The following PLCH1 variants were observed in gnomAD, a reference collection of about 807,000 sequenced individuals.
PLCH1 encodes the protein 1-phosphatidylinositol 4,5-bisphosphate phosphodiesterase eta-1.
In PLCH1, 60 loss-of-function variants were observed where a neutral mutation model predicts 126.7. The observed-to-expected ratio is 0.47, with a 90% CI of 0.38 to 0.59. The LOEUF (loss-of-function observed/expected upper bound fraction) is 0.59. PLCH1 is among the 20% of genes least tolerant of loss of function. The pLI, the probability that PLCH1 is intolerant of heterozygous loss-of-function variation, is 0.00. For synonymous variants in PLCH1, 719 were observed against 734.9 expected (o/e 0.98, Z 0.35); for missense variants, 1,723 against 2,040.0 (o/e 0.84, Z 2.99).
intron 2 of PLCH1, among the ~76,000 whole-genome samples, chr3:155,646,924 AC>A (rs1416061165): frequency 6.6e-6 from 1 of 152,240 alleles, no homozygotes; most frequent in African/African-American, 2.4e-5. Flanking sequence ...AAATATATTC[AC>A]AAATTCTTGG....
rs1716436192 is a variant in PLCH1, at chr3:155,492,810, G to C, written c.2226C>G (p.Pro742=). The C allele has an allele frequency of 6.2e-7, 1 of 1,604,598 alleles. No individual in the cohort carries two copies. Among genetic ancestry groups the C allele is most frequent in the African/African-American group, 1.3e-5 (1 of 74,514 alleles). The change falls in exon 18 of 23, where the codon CCC becomes CCG. Residue 742 remains proline (P), a synonymous_variant. Coordinates refer to ENST00000460012, the MANE Select transcript of PLCH1 (RefSeq NM_014996.4). ...TAACTTTCAGGATGAGCTGCTTTTT[G>C]GGGTTGGCAGGAAGAGGGTCACCAG... The part of the protein sequence containing the change: ...PFSGDPLPAN[P]KKQLILKVIS...
At chr3:155,643,819 A>T (rs1739690236) in intron 2 of PLCH1, among the ~76,000 whole-genome samples, 1 of 152,190 alleles carries the variant, frequency 6.6e-6, no homozygotes, top group African/African-American at 2.4e-5. Flanking sequence ...TAAACAAATA[A>T]ACGTATGATT....
At chr3:155,682,103 T>C (rs138698942) in intron 2 of PLCH1, among the ~76,000 whole-genome samples, 3 of 152,350 alleles carry the variant, frequency 2.0e-5, no homozygotes, top group Admixed American at 6.5e-5. Context: ...GGTTAGACTT[T>C]AGCCTCTGAG....
In PLCH1 at chr3:155,566,134, T is replaced by TATATACAC. The variant is rs1244178200; in HGVS notation, c.866-1017_866-1016insGTGTATAT. On this transcript the variant is annotated intron_variant, in intron 7 of 22. Coordinates refer to ENST00000460012, the MANE Select transcript of PLCH1 (RefSeq NM_014996.4). ...ATACATATATATATGTATATATACA[T>TATATACAC]ATATATGTATATATACATATATACA... Among the ~76,000 whole-genome samples, 153 of 137,578 alleles carry TATATACAC rather than the reference T, an allele frequency of 1.1e-3. 1 individual carries two copies. Among genetic ancestry groups the TATATACAC allele is most frequent in the Middle Eastern group, 3.7e-3 (1 of 272 alleles). 90.3% of individuals were successfully genotyped at this position (137,578 alleles called of 152,430 possible).
chr3:155,662,220 AG>A (rs1236601380), intron 2 of PLCH1, among the ~76,000 whole-genome samples: 1 of 152,234 alleles, frequency 6.6e-6, no homozygotes, highest in Non-Finnish European at 1.5e-5. Flanking sequence ...TGGGAGGCCA[AG>A]GTGGGAGAAT....
chr3:155,506,397 A>G (rs892022607), intron 12 of PLCH1, among the ~76,000 whole-genome samples: 4 of 137,864 alleles, frequency 2.9e-5, no homozygotes, highest in Non-Finnish European at 6.1e-5. Context: ...ACATGTGCAC[A>G]TTGTGCAGGT....
downstream of PLCH1, among the ~76,000 whole-genome samples, chr3:155,474,896 G>T (rs536372944): frequency 8.0e-6 from 1 of 124,654 alleles, no homozygotes; most frequent in African/African-American, 3.2e-5. Context: ...ATGGACACAG[G>T]AAGGGGAATA....
chr3:155,725,407 T>C (rs1313977748), intron 1 of PLCH1, among the ~76,000 whole-genome samples: 1 of 152,066 alleles, frequency 6.6e-6, no homozygotes, highest in Admixed American at 6.6e-5. Context: ...TTTCCCTTTC[T>C]ATTATTTTAC....
chr3:155,631,066 T>C (rs1218826706), intron 2 of PLCH1, among the ~76,000 whole-genome samples: 1 of 152,224 alleles, frequency 6.6e-6, no homozygotes, highest in African/African-American at 2.4e-5. Flanking sequence ...AACCCTAAAA[T>C]TCTGATCCAA....
At position 155,643,491 on chromosome 3, in the gene PLCH1, T is replaced by A. The variant is rs187838107; in HGVS notation, c.80-47113A>T. Among the ~76,000 whole-genome samples, 5 of 152,354 alleles carry A rather than the reference T, an allele frequency of 3.3e-5. No individual in the cohort carries two copies. In the East Asian group the frequency reaches 7.7e-4, roughly 23 times the overall value. On this transcript the variant is annotated intron_variant, in intron 2 of 22. Coordinates refer to ENST00000460012, the MANE Select transcript of PLCH1 (RefSeq NM_014996.4). ...CCTGACTCACAGAAACTATAAGTGA[T>A]AACAACCAGTTATTAATTTTAGGGT...
chr3:155,663,949 A>G (rs938838491), intron 2 of PLCH1, among the ~76,000 whole-genome samples: 2 of 152,156 alleles, frequency 1.3e-5, no homozygotes, highest in Admixed American at 6.5e-5. Flanking sequence ...CATTAATGAG[A>G]CAGTGCACTT....
intron 2 of PLCH1, among the ~76,000 whole-genome samples, chr3:155,667,726 C>T (rs1348012624): frequency 2.0e-5 from 3 of 151,756 alleles, no homozygotes; most frequent in Non-Finnish European, 4.4e-5. Flanking sequence ...CCAACTTCCC[C>T]ACCACTTTTT....
intron 2 of PLCH1, among the ~76,000 whole-genome samples, chr3:155,661,294 G>A (rs1051388667): frequency 6.6e-6 from 1 of 152,150 alleles, no homozygotes; most frequent in Non-Finnish European, 1.5e-5. Context: ...TGAGTCCAGG[G>A]TTACTTACAC....
intron 10 of PLCH1, among the ~76,000 whole-genome samples, chr3:155,539,761 C>A (rs1211803097): frequency 6.6e-6 from 1 of 152,104 alleles, no homozygotes; most frequent in African/African-American, 2.4e-5. Context: ...AATGGAAACA[C>A]ATTCCATGCT....
chr3:155,500,666 A>T (rs1185658038), intron 14 of PLCH1, 37 bp downstream of exon 14: 1 of 1,250,960 alleles, frequency 8.0e-7, no homozygotes, highest in South Asian at 1.2e-5. Flanking sequence ...GAGGGGCCTC[A>T]GGAGTGTGAG....
chr3:155,470,987 G>C (rs1300607868), intron 21 of PLCH1, among the ~76,000 whole-genome samples: 1 of 151,676 alleles, frequency 6.6e-6, no homozygotes, highest in Non-Finnish European at 1.5e-5. Flanking sequence ...AAAATGTAAA[G>C]ACCATCGAGA....
At chr3:155,542,119 T>A (rs934609083) in intron 10 of PLCH1, among the ~76,000 whole-genome samples, 7 of 152,136 alleles carry the variant, frequency 4.6e-5, no homozygotes, top group Admixed American at 6.5e-5. Flanking sequence ...GTCAGGGAGT[T>A]CCCTTTCCCA....
intron 12 of PLCH1, 56 bp from the exon 13 acceptor site, chr3:155,504,682 CT>C: frequency 7.9e-7 from 1 of 1,270,220 alleles, no homozygotes; most frequent in Non-Finnish European, 1.1e-6. Flanking sequence ...TGTCTTTTTC[CT>C]TAGTTCTGGT....
chr3:155,480,795 C>A lies in PLCH1; in HGVS notation c.*173G>T. 1.7e-6 allele frequency: 1 copy of A among 602,788 alleles called. No homozygotes were observed. 37.3% of individuals were successfully genotyped at this position (602,788 alleles called of 1,614,324 possible). Reference sequence around the variant, plus strand: ...ATAATAGGTACATGGGAAATGTCACCAAATCTATATACAAACGCATTAACA... The same window carrying A: ...ATAATAGGTACATGGGAAATGTCACAAAATCTATATACAAACGCATTAACA... On this transcript the variant is annotated 3_prime_UTR_variant, in exon 23 of 23. Transcript: ENST00000460012.
Sources: gnomAD v4.1 joint callset for allele counts (sites outside exome capture counted in the v4.1 genomes callset) on GRCh38, gnomAD v4.1.1 for gene constraint, MANE v1.5 for transcripts, NCBI Gene and HGNC (gene_info 2026-07-23, HGNC 2026-07-21) for gene names.